The following KCNIP2 variants were observed in gnomAD, a reference collection of about 807,000 sequenced individuals.
The protein encoded by KCNIP2 is potassium voltage-gated channel interacting protein 2.
Under a neutral mutation model 39.0 loss-of-function variants are expected in KCNIP2, and 19 were observed. That is an observed-to-expected ratio of 0.49 (90% CI 0.34 to 0.71). KCNIP2 has a LOEUF of 0.71. Among genes scored for constraint, KCNIP2 ranks in the 30% least tolerant of loss-of-function variants. The pLI is 0.01. For missense variants in KCNIP2, 261 were observed against 346.0 expected (o/e 0.75, Z 1.95); for synonymous variants, 111 against 131.2 (o/e 0.85, Z 1.05).
chr10:101,840,991 C>G (rs1238604411), intron 1 of KCNIP2, among the ~76,000 whole-genome samples: 1 of 152,238 alleles, frequency 6.6e-6, no homozygotes, highest in Non-Finnish European at 1.5e-5. Context: ...CAGACAGGGC[C>G]GCTGCTAAAC....
intron 1 of KCNIP2, among the ~76,000 whole-genome samples, chr10:101,840,891 C>G (rs2066312535): frequency 6.6e-6 from 1 of 152,236 alleles, no homozygotes. Context: ...AGGGACTCCA[C>G]TGAGATCCCA....
Position 101,827,096 on chromosome 10 carries a change from C to T in KCNIP2, c.*257G>A. ...CCGCTCAATTCCTACAGGAGGGGCA[C>T]TCTCAACACTGGGTGTCAGGCAGGA... On this transcript the variant is annotated 3_prime_UTR_variant, in exon 10 of 10. Transcript: ENST00000356640. 1 of 757,496 alleles carries T rather than the reference C, an allele frequency of 1.3e-6. No homozygotes were observed. Among genetic ancestry groups the T allele is most frequent in the Non-Finnish European group, 1.8e-6 (1 of 551,660 alleles). The allele number at this position is 757,496 out of a possible 1,614,324, so 46.9% of individuals were successfully genotyped here.
chr10:101,830,922 A>C, intron 2 of KCNIP2, 150 bp downstream of exon 2: 3 of 736,938 alleles, frequency 4.1e-6, no homozygotes, highest in Non-Finnish European at 6.9e-6. Flanking sequence ...CCCCACCCCC[A>C]CACACGCAGG....
intron 1 of KCNIP2, among the ~76,000 whole-genome samples, chr10:101,840,089 G>T: frequency 6.6e-6 from 1 of 151,548 alleles, no homozygotes; most frequent in African/African-American, 2.4e-5. Context: ...GGGGCGGCGC[G>T]GACTCAGCCT....
intron 1 of KCNIP2, among the ~76,000 whole-genome samples, chr10:101,833,538 G>A (rs1236665623): frequency 1.3e-5 from 2 of 152,094 alleles, no homozygotes; most frequent in Admixed American, 6.5e-5. Flanking sequence ...CCTTGGGTAT[G>A]GAGCTGGTAT....
chr10:101,835,515 G>T (rs1256476549), intron 1 of KCNIP2, among the ~76,000 whole-genome samples: 1 of 152,110 alleles, frequency 6.6e-6, no homozygotes, highest in Non-Finnish European at 1.5e-5. Context: ...AGATGCTAAA[G>T]CCCTGCCTGC....
At position 101,827,675 on chromosome 10, in the gene KCNIP2, G is replaced by A; in HGVS notation, c.765+14C>T. 2.5e-6 allele frequency: 4 copies of A among 1,613,768 alleles called. No homozygotes were observed. The highest frequency in any genetic ancestry group is 3.4e-6 in the Non-Finnish European group (4 of 1,179,656). On this transcript the variant is annotated intron_variant, in intron 9 of 9. Coordinates refer to ENST00000356640, the MANE Select transcript of KCNIP2 (RefSeq NM_173191.3). ...AGTCCAGGTCAGGGTAATGTAGAGG[G>A]CAGGGAGCTGTACCTTTTGACAAGA...
At position 101,827,322 on chromosome 10, in the gene KCNIP2, C is replaced by A; in HGVS notation, c.*31G>T. Reference sequence around the variant, plus strand: ...TGGACTAGGGTTAGAGCATGGTCCCCCCAGGAAACACTGACCCCCTCTCCT... The same window carrying A: ...TGGACTAGGGTTAGAGCATGGTCCCACCAGGAAACACTGACCCCCTCTCCT... On this transcript the variant is annotated 3_prime_UTR_variant, in exon 10 of 10. Transcript: ENST00000356640. 6.3e-7 allele frequency: 1 copy of A among 1,584,170 alleles called. No individual in the cohort carries two copies. The highest frequency in any genetic ancestry group is 1.1e-5 in the South Asian group (1 of 87,568).
chr10:101,839,045 G>C (rs2066243510), intron 1 of KCNIP2, among the ~76,000 whole-genome samples: 1 of 152,134 alleles, frequency 6.6e-6, no homozygotes, highest in Non-Finnish European at 1.5e-5. Context: ...AACCAACTTA[G>C]AGGCTCAGGA....
chr10:101,834,123 C>G, intron 1 of KCNIP2: 1 of 396,762 alleles, frequency 2.5e-6, no homozygotes, highest in Non-Finnish European at 4.4e-6. Context: ...CCCAAGCACC[C>G]CTACTCACCT....
chr10:101,834,628 A>G (rs1341860243), intron 1 of KCNIP2, among the ~76,000 whole-genome samples: 1 of 152,158 alleles, frequency 6.6e-6, no homozygotes, highest in Non-Finnish European at 1.5e-5. Context: ...ACTTTTGGCC[A>G]AGATATGGGC....
intron 1 of KCNIP2, chr10:101,839,772 C>A: frequency 1.2e-6 from 2 of 1,613,040 alleles, no homozygotes; most frequent in Non-Finnish European, 8.5e-7. Context: ...GCGACCCAGT[C>A]ACCAGCTGGT....
intron 1 of KCNIP2, among the ~76,000 whole-genome samples, chr10:101,834,784 G>A (rs1369605307): frequency 6.6e-6 from 1 of 152,224 alleles, no homozygotes. Context: ...ATGTGCATGA[G>A]AAACCACCAT....
At chr10:101,831,731 G>A (rs1047308329) in intron 1 of KCNIP2, among the ~76,000 whole-genome samples, 1 of 152,012 alleles carries the variant, frequency 6.6e-6, no homozygotes, top group Non-Finnish European at 1.5e-5. Flanking sequence ...GCATACACAT[G>A]GAGACCCATA....
rs1335782206 is a variant in KCNIP2 at position 101,827,916 on chromosome 10, T to C, written c.675A>G (p.Pro225=). The change falls in exon 8 of 10, where the codon CCA becomes CCG. Residue 225 remains proline, a synonymous_variant. Transcript: ENST00000356640. ...YTYPALREEA[P]REHVESFFQK... ...GGAAGAAGCTCTCCACGTGTTCCCTTGGGGCCTCCTCCCGGAGTGCAGGGT... is the reference window on the plus strand; with the variant it reads ...GGAAGAAGCTCTCCACGTGTTCCCTCGGGGCCTCCTCCCGGAGTGCAGGGT... 2 of 1,613,906 alleles carry C rather than the reference T, an allele frequency of 1.2e-6. No homozygotes were observed. Among genetic ancestry groups the C allele is most frequent in the Admixed American group, 3.3e-5 (2 of 60,000 alleles).
intron 1 of KCNIP2, among the ~76,000 whole-genome samples, chr10:101,833,766 C>T (rs1427248030): frequency 6.6e-6 from 1 of 152,112 alleles, no homozygotes; most frequent in African/African-American, 2.4e-5. Context: ...CACCCTGTGT[C>T]TCTCACACAC....
intron 1 of KCNIP2, among the ~76,000 whole-genome samples, chr10:101,837,901 C>T (rs1372718747): frequency 1.3e-5 from 2 of 152,232 alleles, no homozygotes; most frequent in African/African-American, 4.8e-5. Flanking sequence ...CCCCTTCTTG[C>T]TCCCTGCTAC....
Position 101,828,238 on chromosome 10 carries a change from G to T in KCNIP2, c.510C>A (p.Ser170=). Residue 170 remains serine, a synonymous_variant, in exon 7 of 10, where the codon TCC becomes TCA. Coordinates refer to ENST00000356640, the MANE Select transcript of KCNIP2 (RefSeq NM_173191.3). The surrounding 1 kb of genome is among the most constrained non-coding windows in gnomAD (Gnocchi z 6.6). ...VSFEDFVAGL[S]VILRGTVDDR... is the part of the protein sequence containing the mutation. ...CATCTACAGTTCCCCGAAGAATCAC[G>T]GACAAACCAGCCACAAAGTCCTGGG... is the stretch of plus-strand genomic sequence containing the variant. 1.9e-6 allele frequency: 3 copies of T among 1,614,076 alleles called. No homozygotes were observed. The highest frequency in any genetic ancestry group is 2.5e-6 in the Non-Finnish European group (3 of 1,179,996).
chr10:101,827,228 TG>T lies in KCNIP2; in HGVS notation c.*124del. The T allele has an allele frequency of 7.2e-7, 1 of 1,385,582 alleles. No homozygotes were observed. Among genetic ancestry groups the T allele is most frequent in the Non-Finnish European group, 9.4e-7 (1 of 1,066,686 alleles). 85.8% of individuals were successfully genotyped at this position (1,385,582 alleles called of 1,614,324 possible). ...CTGGACTACTGAATCCCCAAGCTCTTGGATCCCTCCAGCCCCCAGGGAGGCG... is the reference window on the plus strand; with the variant it reads ...CTGGACTACTGAATCCCCAAGCTCTTGATCCCTCCAGCCCCCAGGGAGGCG... On this transcript the variant is annotated 3_prime_UTR_variant, in exon 10 of 10. Transcript: ENST00000356640.
Sources: gnomAD v4.1 joint callset for allele counts (sites outside exome capture counted in the v4.1 genomes callset) on GRCh38, gnomAD v4.1.1 for gene constraint, Gnocchi (gnomAD v3.1) non-coding constraint, MANE v1.5 for transcripts, NCBI Gene and HGNC (gene_info 2026-07-23, HGNC 2026-07-21) for gene names.